Variants in CNKSR2 observed in about 807,000 individuals in gnomAD.
CNKSR2 encodes the protein connector enhancer of kinase suppressor of Ras 2.
In CNKSR2, 14 loss-of-function variants were observed where a neutral mutation model predicts 84.4. The ratio of observed to expected loss-of-function variants is 0.17; its 90% CI spans 0.11 to 0.26. The LOEUF is 0.26. CNKSR2 is among the 10% of genes least tolerant of loss of function. The pLI, the probability that CNKSR2 is intolerant of heterozygous loss-of-function variation, is 1.00. For missense variants in CNKSR2, 485 were observed against 771.2 expected (o/e 0.63, Z 4.40); for synonymous variants, 275 against 277.9 (o/e 0.99, Z 0.10).
chrX:21,420,633 A>G (rs1412550596), intron 1 of CNKSR2, among the ~76,000 whole-genome samples: 2 of 110,777 alleles, frequency 1.8e-5, no homozygotes, highest in Non-Finnish European at 3.8e-5. Flanking sequence ...GAATGGTGCC[A>G]GGATGGGGTC....
At chrX:21,556,475 A>T (rs1255345181) in intron 11 of CNKSR2, among the ~76,000 whole-genome samples, 1 of 111,621 alleles carries the variant, frequency 9.0e-6, no homozygotes, top group Non-Finnish European at 1.9e-5. Context: ...TAAGGAAATG[A>T]CATTTTTGCT....
At chrX:21,593,560 G>A (rs1387781496) in intron 15 of CNKSR2, 1 of 111,920 alleles carries the variant, frequency 8.9e-6, no homozygotes, top group Non-Finnish European at 1.9e-5. Context: ...AGCAGAACAA[G>A]GGATACAATG....
Position 21,440,304 on chromosome X carries a change from G to T in CNKSR2, c.432-390G>T, listed in dbSNP as rs185638896. Among the ~76,000 whole-genome samples, 10 of 111,450 alleles carry T rather than the reference G, an allele frequency of 9.0e-5. No individual in the cohort carries two copies. The East Asian group carries it at 2.8e-3, about 31-fold the overall frequency. ...TAAACCTTAGCAGTTGTTATTACTAGCTCTTGATTGTGAATATTCTAAGTA... is the reference window on the plus strand; with the variant it reads ...TAAACCTTAGCAGTTGTTATTACTATCTCTTGATTGTGAATATTCTAAGTA... On this transcript the variant is annotated intron_variant, in intron 3 of 21. Transcript: ENST00000379510.
chrX:21,567,795 G>GGTGTGTGT (rs58020537), intron 13 of CNKSR2, among the ~76,000 whole-genome samples: 64 of 90,132 alleles, frequency 7.1e-4, no homozygotes, highest in African/African-American at 2.1e-3. Flanking sequence ...GTTTTTGTGT[G>GGTGTGTGT]GTGTGTGTGT....
intron 20 of CNKSR2, chrX:21,641,631 G>A: frequency 1.7e-6 from 2 of 1,161,457 alleles, no homozygotes; most frequent in Non-Finnish European, 2.3e-6. Context: ...ATAAGCTAAT[G>A]TTTAGAGAAT....
At chrX:21,575,258 A>G (rs753832148) in intron 13 of CNKSR2, among the ~76,000 whole-genome samples, 3 of 111,254 alleles carry the variant, frequency 2.7e-5, no homozygotes, top group Admixed American at 9.6e-5. Flanking sequence ...AAATTAGTTC[A>G]CTTGTACTTC....
At chrX:21,466,346 G>A (rs1357629375) in intron 4 of CNKSR2, among the ~76,000 whole-genome samples, 1 of 111,171 alleles carries the variant, frequency 9.0e-6, no homozygotes, top group Non-Finnish European at 1.9e-5. Context: ...TTGGCCCCAA[G>A]TATTAATAAA....
At chrX:21,551,632 C>G (rs1427722878) in intron 11 of CNKSR2, among the ~76,000 whole-genome samples, 4 of 111,734 alleles carry the variant, frequency 3.6e-5, no homozygotes. Context: ...TGGTAATTTC[C>G]GGGGACAATT....
chrX:21,642,700 T>A, intron 20 of CNKSR2: 2 of 714,261 alleles, frequency 2.8e-6, no homozygotes, highest in Non-Finnish European at 3.3e-6. Flanking sequence ...AAATATAAAT[T>A]ACTTAAAAAT....
At chrX:21,412,657 A>G (rs758526919) in intron 1 of CNKSR2, among the ~76,000 whole-genome samples, 9 of 111,507 alleles carry the variant, frequency 8.1e-5, no homozygotes, top group Non-Finnish European at 1.1e-4. Flanking sequence ...TTGTATATCT[A>G]TTAGTGAAGT....
chrX:21,382,582 AAAC>A (rs1230758507), intron 1 of CNKSR2, among the ~76,000 whole-genome samples: 2 of 111,445 alleles, frequency 1.8e-5, no homozygotes, highest in African/African-American at 3.3e-5. Context: ...ATAAAAATAA[AAAC>A]AAAAAGCTCA....
intron 1 of CNKSR2, among the ~76,000 whole-genome samples, chrX:21,385,873 G>T (rs891899417): frequency 7.3e-5 from 8 of 110,206 alleles, no homozygotes; most frequent in African/African-American, 2.3e-4. Context: ...GCGTGTGTAT[G>T]CACGATGAGT....
intron 13 of CNKSR2, among the ~76,000 whole-genome samples, chrX:21,588,477 T>G (rs999363576): frequency 8.9e-6 from 1 of 112,470 alleles, no homozygotes; most frequent in African/African-American, 3.2e-5. Context: ...AAAATCTCTC[T>G]TAAGAGAACT....
chrX:21,574,625 A>C (rs942074092), intron 13 of CNKSR2, among the ~76,000 whole-genome samples: 1 of 111,337 alleles, frequency 9.0e-6, no homozygotes. Context: ...CCATGCTTCA[A>C]TTACCTCCCA....
At chrX:21,474,835 CAT>C (rs1272864174) in intron 5 of CNKSR2, among the ~76,000 whole-genome samples, 1 of 111,797 alleles carries the variant, frequency 8.9e-6, no homozygotes, top group Non-Finnish European at 1.9e-5. Flanking sequence ...GTAGACATAA[CAT>C]AACTTTTGTG....
intron 4 of CNKSR2, among the ~76,000 whole-genome samples, chrX:21,446,257 A>G (rs764907049): frequency 1.8e-5 from 2 of 111,436 alleles, no homozygotes; most frequent in Non-Finnish European, 3.8e-5. Flanking sequence ...GATAACTTGA[A>G]TACTTTTTTT....
rs765679907 is a variant in CNKSR2, at chrX:21,617,099, TTTATG to T, written c.2692+7492_2692+7496del. Among the ~76,000 whole-genome samples, 246 of 111,565 alleles carry T rather than the reference TTTATG, an allele frequency of 2.2e-3. 1 individual carries two copies. Among genetic ancestry groups the T allele is most frequent in the African/African-American group, 7.5e-3 (231 of 30,748 alleles). ...CTAGCATAGGTAAGGCAAGTTATGA[TTTATG>T]TTATGTTATTTTTTTTTACTGAGAG... On this transcript the variant is annotated intron_variant, in intron 20 of 21. Transcript: ENST00000379510.
chrX:21,562,279 CGTAGGTG>C (rs2092198176), intron 12 of CNKSR2, among the ~76,000 whole-genome samples: 4 of 110,723 alleles, frequency 3.6e-5, no homozygotes, highest in African/African-American at 1.3e-4. Context: ...GCCGTAAGGT[CGTAGGTG>C]GAAAATAAAA....
intron 13 of CNKSR2, among the ~76,000 whole-genome samples, chrX:21,579,498 A>G (rs1400693694): frequency 8.9e-6 from 1 of 112,180 alleles, no homozygotes; most frequent in Non-Finnish European, 1.9e-5. Context: ...ACCAAAGCAT[A>G]TACTGAGAAA....
Sources: gnomAD v4.1 joint callset for allele counts (sites outside exome capture counted in the v4.1 genomes callset) on GRCh38, gnomAD v4.1.1 for gene constraint, MANE v1.5 for transcripts, NCBI Gene and HGNC (gene_info 2026-07-23, HGNC 2026-07-21) for gene names.